Variants in SMYD3 observed in about 807,000 individuals in gnomAD.
SMYD3 encodes the protein histone-lysine N-methyltransferase SMYD3.
In SMYD3, 36 loss-of-function variants were observed where a neutral mutation model predicts 57.7. The ratio of observed to expected loss-of-function variants is 0.62; its 90% CI spans 0.48 to 0.82. The LOEUF is 0.82. Among genes scored for constraint, SMYD3 ranks in the 40% least tolerant of loss-of-function variants. The pLI is 0.00. For synonymous variants in SMYD3, 211 were observed against 195.0 expected, an observed-to-expected ratio of 1.08 and a Z score of -0.68; for missense variants, 515 against 538.8, an observed-to-expected ratio of 0.96 and a Z score of 0.44.
intron 10 of SMYD3, among the ~76,000 whole-genome samples, chr1:245,824,973 G>A (rs1183054387): frequency 6.6e-6 from 1 of 152,156 alleles, no homozygotes; most frequent in Admixed American, 6.5e-5. Context: ...AGAGGTTGCA[G>A]TCAGCCGAGA....
intron 5 of SMYD3, among the ~76,000 whole-genome samples, chr1:246,270,304 T>C (rs1572314395): frequency 1.3e-5 from 2 of 152,260 alleles, no homozygotes; most frequent in Admixed American, 6.5e-5. Context: ...TTTCATTTTT[T>C]ATTGCAATAA....
At chr1:246,457,558 A>G (rs2067721920) in intron 1 of SMYD3, among the ~76,000 whole-genome samples, 1 of 148,866 alleles carries the variant, frequency 6.7e-6, no homozygotes, top group Non-Finnish European at 1.5e-5. Flanking sequence ...AGAAAAGAAA[A>G]GAAAAGAAAA....
intron 1 of SMYD3, among the ~76,000 whole-genome samples, chr1:246,365,323 C>CA (rs74386969): frequency 0.042 from 5,431 of 129,696 alleles, 138 homozygotes; most frequent in Non-Finnish European, 0.063. Flanking sequence ...CTCATTTCTA[C>CA]AAAAAAAAAA....
At chr1:246,297,015 T>C (rs1277635064) in intron 5 of SMYD3, among the ~76,000 whole-genome samples, 1 of 152,142 alleles carries the variant, frequency 6.6e-6, no homozygotes, top group South Asian at 2.1e-4. Context: ...TAGATAATCA[T>C]CCAGACTTTA....
intron 5 of SMYD3, among the ~76,000 whole-genome samples, chr1:246,319,169 T>G (rs2065208986): frequency 6.6e-6 from 1 of 152,224 alleles, no homozygotes; most frequent in African/African-American, 2.4e-5. Context: ...TGACACCGTT[T>G]CATAATTAGA....
At chr1:245,868,977 A>G (rs150372147) in intron 8 of SMYD3, among the ~76,000 whole-genome samples, 50 of 152,330 alleles carry the variant, frequency 3.3e-4, no homozygotes, top group Non-Finnish European at 5.6e-4. Context: ...AGAAGAGTAA[A>G]TTACTGTTTT....
intron 8 of SMYD3, among the ~76,000 whole-genome samples, chr1:245,906,695 T>C (rs147534511): frequency 1.3e-5 from 2 of 152,372 alleles, no homozygotes; most frequent in African/African-American, 4.8e-5. Context: ...TGCACTCCTA[T>C]GTTTGTTGCA....
chr1:245,821,085 C>T (rs1472652063), intron 10 of SMYD3, among the ~76,000 whole-genome samples: 1 of 150,010 alleles, frequency 6.7e-6, no homozygotes, highest in East Asian at 2.0e-4. Context: ...GCCTGCATCT[C>T]CAAGTCAATC....
At chr1:245,954,150 A>C (rs903182220) in intron 5 of SMYD3, among the ~76,000 whole-genome samples, 4 of 152,200 alleles carry the variant, frequency 2.6e-5, no homozygotes, top group Non-Finnish European at 4.4e-5. Flanking sequence ...TGTAATTAGG[A>C]AAAGTGTATT....
intron 5 of SMYD3, among the ~76,000 whole-genome samples, chr1:246,146,115 C>T (rs953824312): frequency 6.6e-6 from 1 of 152,114 alleles, no homozygotes; most frequent in African/African-American, 2.4e-5. Context: ...AGGGAGCTTA[C>T]CTATCTGGGA....
chr1:246,378,027 T>C (rs1333835690), intron 1 of SMYD3, among the ~76,000 whole-genome samples: 2 of 152,232 alleles, frequency 1.3e-5, no homozygotes, highest in African/African-American at 4.8e-5. Context: ...CATCTTTTCA[T>C]GTCTATTCAC....
chr1:246,473,389 A>T (rs922691869), intron 1 of SMYD3, among the ~76,000 whole-genome samples: 1 of 152,180 alleles, frequency 6.6e-6, no homozygotes, highest in Admixed American at 6.5e-5. Flanking sequence ...AAATGCCTTG[A>T]TTCCTTATTA....
chr1:246,161,256 G>C (rs910766601), intron 5 of SMYD3, among the ~76,000 whole-genome samples: 1 of 152,166 alleles, frequency 6.6e-6, no homozygotes, highest in Non-Finnish European at 1.5e-5. Context: ...ATTTTCCCAA[G>C]AGGCTTCTTC....
chr1:246,355,216 A>T lies in SMYD3; in HGVS notation c.165-122T>A. 1 of 905,682 alleles carries T rather than the reference A, an allele frequency of 1.1e-6. No individual in the cohort carries two copies. The highest frequency in any genetic ancestry group is 2.7e-5 in the East Asian group (1 of 37,370). 56.1% of individuals were successfully genotyped at this position (905,682 alleles called of 1,614,324 possible). On this transcript the variant is annotated intron_variant, in intron 1 of 11. Coordinates refer to ENST00000490107, the MANE Select transcript of SMYD3 (RefSeq NM_001167740.2). This position sits in a 1 kb window ranked among gnomAD's most constrained non-coding sequence, Gnocchi z 5.0. The stretch of plus-strand genomic sequence containing the variant: ...ATGTTCTGTTTACTCCATTATGTAC[A>T]GTCCCTTAAGATTTGGATTTTCACA...
At chr1:245,812,499 G>A (rs2048529128) in intron 10 of SMYD3, among the ~76,000 whole-genome samples, 1 of 152,084 alleles carries the variant, frequency 6.6e-6, no homozygotes, top group Non-Finnish European at 1.5e-5. Flanking sequence ...AACCACCACT[G>A]TCCTCTCAGC....
intron 1 of SMYD3, among the ~76,000 whole-genome samples, chr1:246,404,212 G>A (rs537757988): frequency 2.0e-5 from 3 of 152,294 alleles, no homozygotes; most frequent in Non-Finnish European, 4.4e-5. Context: ...GCAGCACCAC[G>A]GCAGCTGTGA....
intron 10 of SMYD3, among the ~76,000 whole-genome samples, chr1:245,837,546 C>G (rs12024763): frequency 0.12 from 18,683 of 152,144 alleles, 1,278 homozygotes; most frequent in South Asian, 0.21. Context: ...GGAAGAAGCA[C>G]AGAAAAGAAG....
chr1:246,181,209 CCT>C (rs2062546343), intron 5 of SMYD3, among the ~76,000 whole-genome samples: 1 of 152,070 alleles, frequency 6.6e-6, no homozygotes, highest in African/African-American at 2.4e-5. Flanking sequence ...CAATGTCTCG[CCT>C]AGAGTATATT....
intron 5 of SMYD3, among the ~76,000 whole-genome samples, chr1:246,036,743 T>G (rs1158650840): frequency 6.7e-6 from 1 of 149,912 alleles, no homozygotes; most frequent in Non-Finnish European, 1.5e-5. Context: ...TTTTTGTACT[T>G]TTAGTAGAGA....
Sources: allele counts gnomAD v4.1 joint callset (sites outside exome capture counted in the v4.1 genomes callset), GRCh38; gene constraint gnomAD v4.1.1; non-coding constraint Gnocchi (gnomAD v3.1); transcripts MANE v1.5; gene names NCBI Gene and HGNC (gene_info 2026-07-23, HGNC 2026-07-21).